SNX29: variants seen among roughly 807,000 people sequenced by gnomAD.
SNX29 encodes the protein sorting nexin 29, also known as sorting nexin-29.
Under a neutral mutation model 102.1 loss-of-function variants are expected in SNX29, and 78 were observed. That is an observed-to-expected ratio of 0.76 (90% CI 0.64 to 0.92). The LOEUF (loss-of-function observed/expected upper bound fraction) is 0.92, where lower values mean the gene tolerates loss of function less well. SNX29 is among the 40% of genes least tolerant of loss of function. The pLI is 0.00. For synonymous variants in SNX29, 580 were observed against 414.5 expected, an observed-to-expected ratio of 1.40 and a Z score of -4.85; for missense variants, 1,280 against 1,061.7, an observed-to-expected ratio of 1.21 and a Z score of -2.86.
At chr16:12,043,470 T>G (rs911378138) in intron 5 of SNX29, among the ~76,000 whole-genome samples, 1 of 151,986 alleles carries the variant, frequency 6.6e-6, no homozygotes, top group African/African-American at 2.4e-5. Flanking sequence ...TCCTCCCACC[T>G]TAGCCTCCTG....
At chr16:12,566,643 A>G (rs972928017) in intron 20 of SNX29, among the ~76,000 whole-genome samples, 1 of 152,220 alleles carries the variant, frequency 6.6e-6, no homozygotes, top group Admixed American at 6.5e-5. Flanking sequence ...TCCTTCCAGC[A>G]TCTTTGAACC....
chr16:12,482,191 C>G (rs1036933001), intron 19 of SNX29, among the ~76,000 whole-genome samples: 3 of 152,258 alleles, frequency 2.0e-5, no homozygotes, highest in Non-Finnish European at 4.4e-5. Context: ...GGATAACTCA[C>G]TTGTCCGCCT....
In SNX29 at chr16:12,572,736, A is replaced by C. The variant is rs1004810497; in HGVS notation, c.*4107A>C. 9.4e-7 allele frequency: 1 copy of C among 1,063,992 alleles called. No homozygotes were observed. Among genetic ancestry groups the C allele is most frequent in the South Asian group, 4.6e-5 (1 of 21,972 alleles). 65.9% of individuals were successfully genotyped at this position (1,063,992 alleles called of 1,614,324 possible). ...CTTGGCACAGAACTGATGGCAAAGG[A>C]AGGGCTGGGTTTTCAGCTTCTGGGA... On this transcript the variant is annotated 3_prime_UTR_variant, in exon 21 of 21. Coordinates refer to ENST00000566228, the MANE Select transcript of SNX29 (RefSeq NM_032167.5).
chr16:12,444,531 C>T (rs993470791), intron 18 of SNX29, among the ~76,000 whole-genome samples: 2 of 152,234 alleles, frequency 1.3e-5, no homozygotes, highest in Non-Finnish European at 2.9e-5. Context: ...GACTTTTCTT[C>T]TTTGCCTGAG....
chr16:12,260,906 TGTTGA>T, intron 14 of SNX29, among the ~76,000 whole-genome samples: 2 of 146,058 alleles, frequency 1.4e-5, no homozygotes, highest in South Asian at 2.2e-4. Context: ...AGTGAGTGTT[TGTTGA>T]GCTCAGGTCA....
chr16:12,014,154 T>C (rs1467474798), intron 3 of SNX29, among the ~76,000 whole-genome samples: 3 of 152,106 alleles, frequency 2.0e-5, no homozygotes, highest in African/African-American at 7.2e-5. Context: ...TCTCAGGCTG[T>C]GGACTTTGAC....
chr16:12,188,735 G>A (rs1323913847), intron 13 of SNX29, among the ~76,000 whole-genome samples: 2 of 152,092 alleles, frequency 1.3e-5, no homozygotes, highest in Admixed American at 1.3e-4. Flanking sequence ...AATCAAACAA[G>A]CTTTTTACAG....
chr16:12,550,395 C>T (rs1471439155), intron 20 of SNX29, among the ~76,000 whole-genome samples: 3 of 152,052 alleles, frequency 2.0e-5, no homozygotes, highest in South Asian at 2.1e-4. Context: ...ATTAGCCAGG[C>T]ATGGTGGTGC....
intron 18 of SNX29, among the ~76,000 whole-genome samples, chr16:12,409,242 A>C (rs1231154188): frequency 6.6e-6 from 1 of 152,150 alleles, no homozygotes; most frequent in Admixed American, 6.6e-5. Flanking sequence ...TCAATCCAGT[A>C]CCTTGTTTTG....
At chr16:12,395,526 C>T (rs1354107076) in intron 16 of SNX29, among the ~76,000 whole-genome samples, 2 of 152,230 alleles carry the variant, frequency 1.3e-5, no homozygotes, top group Non-Finnish European at 2.9e-5. Context: ...CCTTTCCTTG[C>T]ACCTGAAGAC....
intron 3 of SNX29, among the ~76,000 whole-genome samples, chr16:12,015,832 C>G (rs1052281961): frequency 6.6e-6 from 1 of 151,696 alleles, no homozygotes; most frequent in Non-Finnish European, 1.5e-5. Context: ...CCACTGTGCC[C>G]AGCCTCCAAG....
chr16:12,217,735 A>G (rs1255814700), intron 14 of SNX29, among the ~76,000 whole-genome samples: 3 of 152,202 alleles, frequency 2.0e-5, no homozygotes, highest in East Asian at 1.9e-4. Context: ...TTTATCTGCT[A>G]TTGATCAGTG....
In SNX29 at chr16:12,316,684, G is replaced by T. The variant is rs80100932; in HGVS notation, c.1782+38648G>T. Among the ~76,000 whole-genome samples the T allele has an allele frequency of 2.0e-5, 3 of 152,000 alleles. No homozygotes were observed. The South Asian group carries it at 6.2e-4, about 32-fold the overall frequency. The stretch of plus-strand genomic sequence containing the variant: ...GCCCCGTTCCACATCTTAAGGTCCC[G>T]CTCACTGGGCTTGGTTAGGGCAGGC... On this transcript the variant is annotated intron_variant, in intron 15 of 20. Transcript: ENST00000566228.
At position 12,568,898 on chromosome 16, in the gene SNX29, G is replaced by C. The variant is rs796138403; in HGVS notation, c.*269G>C. The C allele has an allele frequency of 1.6e-4, 77 of 495,682 alleles. No homozygotes were observed. The highest frequency in any genetic ancestry group is 8.6e-4 in the African/African-American group (44 of 51,304). 30.7% of individuals were successfully genotyped at this position (495,682 alleles called of 1,614,324 possible). Reference sequence around the variant, plus strand: ...TTCTGGGGTCTACCCTGGGCTGCAAGGGCTGTTCCTCCACCTTTCTGTAGT... The same window carrying C: ...TTCTGGGGTCTACCCTGGGCTGCAACGGCTGTTCCTCCACCTTTCTGTAGT... On this transcript the variant is annotated 3_prime_UTR_variant, in exon 21 of 21. Coordinates refer to ENST00000566228, the MANE Select transcript of SNX29 (RefSeq NM_032167.5).
intron 17 of SNX29, among the ~76,000 whole-genome samples, chr16:12,399,496 C>T (rs1195594381): frequency 6.6e-6 from 1 of 152,214 alleles, no homozygotes; most frequent in Non-Finnish European, 1.5e-5. Flanking sequence ...GGAAAAGTCC[C>T]TTTTAGAGCA....
In SNX29 at chr16:12,295,330, C is replaced by G. The variant is rs28570047; in HGVS notation, c.1782+17294C>G. ...CCATGGGGCAGTGAAGCCAGCCTCC[C>G]AGGAGAAGTTGCCAGAATTCCTGAA... On this transcript the variant is annotated intron_variant, in intron 15 of 20. Coordinates refer to ENST00000566228, the MANE Select transcript of SNX29 (RefSeq NM_032167.5). Among the ~76,000 whole-genome samples the G allele has an allele frequency of 2.9e-3, 438 of 152,352 alleles. 5 individuals are homozygous for G. Among genetic ancestry groups the G allele is most frequent in the African/African-American group, 1.0e-2 (414 of 41,576 alleles).
intron 10 of SNX29, among the ~76,000 whole-genome samples, chr16:12,070,447 G>A (rs889171205): frequency 1.3e-5 from 2 of 150,650 alleles, no homozygotes; most frequent in Admixed American, 6.7e-5. Context: ...TTGTCCTTGC[G>A]ATAGTTTACC....
rs1236967910 is a variant in SNX29, at chr16:12,028,813, G to T, written c.247+1369G>T. 2.0e-5 allele frequency among the ~76,000 whole-genome samples: 3 copies of T among 151,958 alleles called. No homozygotes were observed. In the South Asian group the frequency reaches 6.2e-4, roughly 32 times the overall value. On this transcript the variant is annotated intron_variant, in intron 4 of 20. Transcript: ENST00000566228. The stretch of plus-strand genomic sequence containing the variant: ...GCCCAGGCTGGAGTGCAATGGCACC[G>T]TCTTGGCTCAATGCAACCTCCGCTT...
intron 11 of SNX29, among the ~76,000 whole-genome samples, chr16:12,108,544 TG>T (rs1324015503): frequency 6.6e-6 from 1 of 152,146 alleles, no homozygotes; most frequent in Admixed American, 6.5e-5. Flanking sequence ...CCAAGCTTGT[TG>T]GGTGACTACT....
Sources: allele counts gnomAD v4.1 joint callset (sites outside exome capture counted in the v4.1 genomes callset), GRCh38; gene constraint gnomAD v4.1.1; transcripts MANE v1.5; gene names NCBI Gene and HGNC (gene_info 2026-07-23, HGNC 2026-07-21).